Variants in DCTN6 observed in about 807,000 individuals in gnomAD.
The protein encoded by DCTN6 is dynactin subunit 6.
Under a neutral mutation model 25.8 loss-of-function variants are expected in DCTN6, and 15 were observed. The observed-to-expected ratio is 0.58, with a 90% CI of 0.39 to 0.89. DCTN6 has a LOEUF of 0.89. DCTN6 is among the 40% of genes least tolerant of loss of function. DCTN6 has a pLI of 0.00. For missense variants in DCTN6, 198 were observed against 237.6 expected, an observed-to-expected ratio of 0.83 and a Z score of 1.09; for synonymous variants, 64 against 78.3, an observed-to-expected ratio of 0.82 and a Z score of 0.96.
Position 30,183,374 on chromosome 8 carries a change from T to C in DCTN6, c.*201T>C. The C allele has an allele frequency of 2.5e-6, 1 of 398,896 alleles. No individual in the cohort carries two copies. The highest frequency in any genetic ancestry group is 4.4e-6 in the Non-Finnish European group (1 of 225,214). The allele number at this position is 398,896 out of a possible 1,614,324, so 24.7% of individuals were successfully genotyped here. On this transcript the variant is annotated 3_prime_UTR_variant, in exon 7 of 7. Coordinates refer to ENST00000221114, the MANE Select transcript of DCTN6 (RefSeq NM_006571.4). ...ATAAATGTATTATTTTCCTATATCC[T>C]TGGTTCTTTTCTGATAATTTACAGA... is the stretch of plus-strand genomic sequence containing the variant.
At chr8:30,171,827 C>G (rs1803767713) in intron 2 of DCTN6, among the ~76,000 whole-genome samples, 1 of 152,192 alleles carries the variant, frequency 6.6e-6, no homozygotes, top group African/African-American at 2.4e-5. Context: ...CCCACAATCC[C>G]TCTTTCAAAC....
At chr8:30,162,927 A>G (rs944626272) in intron 1 of DCTN6, among the ~76,000 whole-genome samples, 1 of 152,158 alleles carries the variant, frequency 6.6e-6, no homozygotes, top group African/African-American at 2.4e-5. Flanking sequence ...GGCATATTAC[A>G]TACTGTCCAT....
chr8:30,182,692 CT>C (rs529884392), intron 6 of DCTN6, among the ~76,000 whole-genome samples: 4,436 of 142,912 alleles, frequency 0.031, 64 homozygotes, highest in African/African-American at 0.035. Flanking sequence ...CTACCTGGAA[CT>C]TTTTTTTTTT....
In DCTN6 at chr8:30,183,415, G is replaced by T; in HGVS notation, c.*242G>T. ...AATTTACAGATTTAGCTTTTCTTTTGTTATATAAACTGCTAGCCACAAATT... is the reference window on the plus strand; with the variant it reads ...AATTTACAGATTTAGCTTTTCTTTTTTTATATAAACTGCTAGCCACAAATT... On this transcript the variant is annotated 3_prime_UTR_variant, in exon 7 of 7. Coordinates refer to ENST00000221114, the MANE Select transcript of DCTN6 (RefSeq NM_006571.4). 1 of 314,890 alleles carries T rather than the reference G, an allele frequency of 3.2e-6. No homozygotes were observed. The highest frequency in any genetic ancestry group is 5.8e-5 in the South Asian group (1 of 17,268). The allele number at this position is 314,890 out of a possible 1,614,324, so 19.5% of individuals were successfully genotyped here.
intron 1 of DCTN6, among the ~76,000 whole-genome samples, chr8:30,157,081 C>T (rs565856550): frequency 1.2e-4 from 19 of 152,242 alleles, no homozygotes; most frequent in Non-Finnish European, 1.5e-4. Context: ...ATTTTTCAGC[C>T]CTCAAACCCC....
chr8:30,171,845 A>G (rs921909684), intron 2 of DCTN6, among the ~76,000 whole-genome samples: 7 of 152,220 alleles, frequency 4.6e-5, no homozygotes, highest in African/African-American at 1.2e-4. Flanking sequence ...AACATTTCAT[A>G]TAATCCACAT....
At position 30,162,390 on chromosome 8, in the gene DCTN6, C is replaced by G. The variant is rs113961782; in HGVS notation, c.24-1721C>G. The stretch of plus-strand genomic sequence containing the variant: ...ACAGGTGTGAGCCACCATGCCCAGC[C>G]CAAAACTATTGTATTTCTGTATACT... On this transcript the variant is annotated intron_variant, in intron 1 of 6. Transcript: ENST00000221114. 2.9e-3 allele frequency among the ~76,000 whole-genome samples: 434 copies of G among 152,256 alleles called. 1 individual carries two copies. Among genetic ancestry groups the G allele is most frequent in the African/African-American group, 9.8e-3 (406 of 41,542 alleles).
At chr8:30,183,005 C>A (rs567089003) in intron 6 of DCTN6, 70 bp from the exon 7 acceptor site, 3 of 1,319,228 alleles carry the variant, frequency 2.3e-6, no homozygotes, top group South Asian at 1.2e-5. Flanking sequence ...TGACCCACCA[C>A]GCCTGGTTGC....
intron 3 of DCTN6, among the ~76,000 whole-genome samples, chr8:30,175,537 T>C (rs1321944160): frequency 6.6e-6 from 1 of 152,020 alleles, no homozygotes; most frequent in Admixed American, 6.6e-5. Context: ...GTTTTTTTTT[T>C]TTTTGATTTT....
chr8:30,177,257 C>T (rs1803848248), intron 4 of DCTN6, 43 bp downstream of exon 4: 2 of 1,497,908 alleles, frequency 1.3e-6, no homozygotes, highest in African/African-American at 1.4e-5. Context: ...CCTGGCTCTC[C>T]TTTAGTACCT....
At position 30,164,052 on chromosome 8, in the gene DCTN6, C is replaced by T. The variant is rs933943055; in HGVS notation, c.24-59C>T. 7 of 1,401,548 alleles carry T rather than the reference C, an allele frequency of 5.0e-6. No individual in the cohort carries two copies. In the African/African-American group the frequency reaches 9.9e-5, roughly 20 times the overall value. The allele number at this position is 1,401,548 out of a possible 1,614,324, so 86.8% of individuals were successfully genotyped here. ...TGTTTTCATTACAATGTCACGGTAG[C>T]TCCTCCAACAGTATGTTTAATCTTA... On this transcript the variant is annotated intron_variant, in intron 1 of 6. Coordinates refer to ENST00000221114, the MANE Select transcript of DCTN6 (RefSeq NM_006571.4).
At chr8:30,175,810 T>G (rs1288637278) in intron 3 of DCTN6, among the ~76,000 whole-genome samples, 1 of 152,200 alleles carries the variant, frequency 6.6e-6, no homozygotes, top group Non-Finnish European at 1.5e-5. Context: ...GAATTCAAGC[T>G]TATACCTAAT....
In DCTN6 at chr8:30,156,375, G is replaced by T; in HGVS notation, c.-9G>T. On this transcript the variant is annotated 5_prime_UTR_variant, in exon 1 of 7. Coordinates refer to ENST00000221114, the MANE Select transcript of DCTN6 (RefSeq NM_006571.4). ...TGGTGTCGATCTACGTTCCAATTGG[G>T]GCCGTACCATGGCGGAGAAGACTCA... 1 of 1,605,506 alleles carries T rather than the reference G, an allele frequency of 6.2e-7. No individual in the cohort carries two copies. Among genetic ancestry groups the T allele is most frequent in the East Asian group, 2.2e-5 (1 of 44,646 alleles).
Position 30,179,463 on chromosome 8 carries a change from A to G in DCTN6, c.331+8A>G. ...ATGTCATTGAATCAAAAGGTAAGCTACATTCAGAGTTTCATTGTCAAAGCA... is the reference window on the plus strand; with the variant it reads ...ATGTCATTGAATCAAAAGGTAAGCTGCATTCAGAGTTTCATTGTCAAAGCA... On this transcript the variant is annotated splice_region_variant and intron_variant, in intron 5 of 6. Coordinates refer to ENST00000221114, the MANE Select transcript of DCTN6 (RefSeq NM_006571.4). 2 of 1,610,246 alleles carry G rather than the reference A, an allele frequency of 1.2e-6. No individual in the cohort carries two copies. Among genetic ancestry groups the G allele is most frequent in the Non-Finnish European group, 1.7e-6 (2 of 1,177,948 alleles).
At chr8:30,161,809 G>A (rs916786514) in intron 1 of DCTN6, among the ~76,000 whole-genome samples, 14 of 149,614 alleles carry the variant, frequency 9.4e-5, no homozygotes, top group East Asian at 3.9e-4. Flanking sequence ...GTGCAGTGGC[G>A]TAGTCTTGGT....
chr8:30,159,259 CAT>C (rs1803568640), intron 1 of DCTN6, among the ~76,000 whole-genome samples: 1 of 152,040 alleles, frequency 6.6e-6, no homozygotes, highest in Non-Finnish European at 1.5e-5. Flanking sequence ...CTATTTGATA[CAT>C]GTTTTTTTGT....
rs145337902 is a variant in DCTN6 at position 30,177,631 on chromosome 8, C to T, written c.283+417C>T. ...ACTTGGGAGGCTGAGGCAAGAGAAT[C>T]GCTTGAACTCGGGAGGCAGAGGTTG... is the stretch of plus-strand genomic sequence containing the variant. On this transcript the variant is annotated intron_variant, in intron 4 of 6. Coordinates refer to ENST00000221114, the MANE Select transcript of DCTN6 (RefSeq NM_006571.4). The T allele has an allele frequency of 1.7e-3, 258 of 154,080 alleles. 4 individuals carry two copies. In the East Asian group the frequency reaches 0.028, roughly 17 times the overall value. 9.5% of individuals were successfully genotyped at this position (154,080 alleles called of 1,614,324 possible).
At chr8:30,174,039 C>G (rs1173651899) in intron 2 of DCTN6, among the ~76,000 whole-genome samples, 2 of 152,152 alleles carry the variant, frequency 1.3e-5, no homozygotes, top group Admixed American at 1.3e-4. Context: ...CGGGGTAGAC[C>G]GTGCTGGTGA....
intron 5 of DCTN6, 123 bp downstream of exon 5, chr8:30,179,578 G>A: frequency 4.1e-6 from 3 of 727,694 alleles, no homozygotes; most frequent in Admixed American, 3.3e-5. Flanking sequence ...TACAATAGCT[G>A]GCGAACTAAT....
Sources: gnomAD v4.1 joint callset for allele counts (sites outside exome capture counted in the v4.1 genomes callset) on GRCh38, gnomAD v4.1.1 for gene constraint, MANE v1.5 for transcripts, NCBI Gene and HGNC (gene_info 2026-07-23, HGNC 2026-07-21) for gene names.